Variants in SLC6A11 observed in about 807,000 individuals in gnomAD.
SLC6A11 encodes sodium- and chloride-dependent GABA transporter 3.
Under a neutral mutation model 74.8 loss-of-function variants are expected in SLC6A11, and 25 were observed. The ratio of observed to expected loss-of-function variants is 0.33; its 90% CI spans 0.24 to 0.47. The LOEUF is 0.47. Ranked by LOEUF, SLC6A11 falls within the 20% of genes least tolerant of loss-of-function variation. The pLI, the probability that SLC6A11 is intolerant of heterozygous loss-of-function variation, is 1.00. For synonymous variants in SLC6A11, 330 were observed against 330.2 expected (o/e 1.00, Z 0.01); for missense variants, 574 against 837.0 (o/e 0.69, Z 3.88).
rs150264138 is a variant in SLC6A11 at position 10,890,969 on chromosome 3, G to A, written c.891+15874G>A. Among the ~76,000 whole-genome samples, 115 of 152,326 alleles carry A rather than the reference G, an allele frequency of 7.5e-4. 1 individual carries two copies. Among genetic ancestry groups the A allele is most frequent in the Non-Finnish European group, 1.5e-3 (101 of 68,032 alleles). On this transcript the variant is annotated intron_variant, in intron 6 of 13. Coordinates refer to ENST00000254488, the MANE Select transcript of SLC6A11 (RefSeq NM_014229.3). ...CATACCCATATCTGGCGCTTTCATG[G>A]TGAGCTGAGGGGTAGAGTTTCTAAC...
At position 10,915,568 on chromosome 3, in the gene SLC6A11, G is replaced by T. The variant is rs974845290; in HGVS notation, c.996-2761G>T. On this transcript the variant is annotated intron_variant, in intron 7 of 13. Coordinates refer to ENST00000254488, the MANE Select transcript of SLC6A11 (RefSeq NM_014229.3). The surrounding 1 kb of genome is among the most constrained non-coding windows in gnomAD (Gnocchi z 4.3). The stretch of plus-strand genomic sequence containing the variant: ...TGTTACATAAGCGTTTTACCTAGAC[G>T]TGGGAGCTGGGGAAGGAATTAGAGG... Among the ~76,000 whole-genome samples the T allele has an allele frequency of 9.9e-5, 15 of 152,146 alleles. No homozygotes were observed. The highest frequency in any genetic ancestry group is 1.9e-4 in the Non-Finnish European group (13 of 68,024).
At chr3:10,871,438 C>A (rs1160429859) in intron 5 of SLC6A11, among the ~76,000 whole-genome samples, 1 of 152,128 alleles carries the variant, frequency 6.6e-6, no homozygotes, top group Admixed American at 6.5e-5. Flanking sequence ...GATAATTAAT[C>A]TTCTGCCACA....
intron 4 of SLC6A11, among the ~76,000 whole-genome samples, chr3:10,834,225 G>C (rs1268650787): frequency 6.6e-6 from 1 of 152,242 alleles, no homozygotes; most frequent in Admixed American, 6.5e-5. Flanking sequence ...GCCGTTCCAG[G>C]CTTCTTCCTG....
chr3:10,933,768 C>A (rs1162530255), intron 11 of SLC6A11, among the ~76,000 whole-genome samples: 1 of 152,178 alleles, frequency 6.6e-6, no homozygotes, highest in African/African-American at 2.4e-5. Flanking sequence ...CTCATCCCCA[C>A]CCCTGATTGC....
intron 6 of SLC6A11, 70 bp downstream of exon 6, chr3:10,875,165 A>G (rs1297475713): frequency 7.3e-7 from 1 of 1,370,412 alleles, no homozygotes. Context: ...AGCCCCTGCC[A>G]CTGGCCACTG....
intron 6 of SLC6A11, among the ~76,000 whole-genome samples, chr3:10,878,045 G>GAAATGGCTCCTT: frequency 6.6e-6 from 1 of 152,302 alleles, no homozygotes; most frequent in African/African-American, 2.4e-5. Context: ...TGGTCATCCA[G>GAAATGGCTCCTT]AAATGGCTCC....
intron 4 of SLC6A11, among the ~76,000 whole-genome samples, chr3:10,839,525 C>T (rs62238734): frequency 0.037 from 5,643 of 152,254 alleles, 173 homozygotes; most frequent in Non-Finnish European, 0.053. Flanking sequence ...ACTTTCTGCC[C>T]ACTCCTTCCC....
chr3:10,929,738 G>A (rs940724454), intron 10 of SLC6A11, among the ~76,000 whole-genome samples: 2 of 152,144 alleles, frequency 1.3e-5, no homozygotes, highest in East Asian at 3.9e-4. Context: ...GCTTTTCTGG[G>A]CATCTCTGAG....
At chr3:10,868,391 G>A (rs1206065333) in intron 5 of SLC6A11, among the ~76,000 whole-genome samples, 2 of 152,222 alleles carry the variant, frequency 1.3e-5, no homozygotes, top group African/African-American at 4.8e-5. Flanking sequence ...GCCGTGTCCT[G>A]GGCGTAGGGG....
At position 10,835,549 on chromosome 3, in the gene SLC6A11, T is replaced by C. The variant is rs1694355922; in HGVS notation, c.624-8665T>C. Among the ~76,000 whole-genome samples the C allele has an allele frequency of 2.0e-5, 3 of 152,130 alleles. No individual in the cohort carries two copies. The South Asian group carries it at 6.2e-4, about 32-fold the overall frequency. On this transcript the variant is annotated intron_variant, in intron 4 of 13. Transcript: ENST00000254488. Reference sequence around the variant, plus strand: ...GCCTGCTCCTCTGGAAAGTCCCCACTTTTAGATTCACTCTCCTCCCCACAC... The same window carrying C: ...GCCTGCTCCTCTGGAAAGTCCCCACCTTTAGATTCACTCTCCTCCCCACAC...
At chr3:10,844,374 C>G in intron 5 of SLC6A11, 28 bp downstream of exon 5, 1 of 1,613,994 alleles carries the variant, frequency 6.2e-7, no homozygotes, top group East Asian at 2.2e-5. Flanking sequence ...AAGCAGCTAA[C>G]CGTGGCAGGG....
intron 6 of SLC6A11, among the ~76,000 whole-genome samples, chr3:10,902,058 G>T (rs1330376413): frequency 3.3e-5 from 5 of 149,370 alleles, no homozygotes; most frequent in Non-Finnish European, 4.4e-5. Context: ...CAAAAGTTGT[G>T]TGTGCGTGTG....
chr3:10,824,241 C>T (rs1278922084), intron 4 of SLC6A11: 2 of 152,170 alleles, frequency 1.3e-5, no homozygotes, highest in Non-Finnish European at 2.9e-5. Context: ...TAGAAGGATC[C>T]CTTGCCCCAG....
intron 6 of SLC6A11, among the ~76,000 whole-genome samples, chr3:10,889,005 TCAGA>T (rs1438819802): frequency 7.2e-5 from 11 of 152,296 alleles, no homozygotes; most frequent in Admixed American, 3.9e-4. Flanking sequence ...TCCTGTTTTC[TCAGA>T]CAGGAGTTTT....
At chr3:10,924,781 A>G (rs1255502496) in intron 8 of SLC6A11, among the ~76,000 whole-genome samples, 2 of 152,246 alleles carry the variant, frequency 1.3e-5, no homozygotes, top group East Asian at 1.9e-4. Context: ...AATGAAAACT[A>G]TGATATAACA....
At chr3:10,891,150 A>G (rs565554123) in intron 6 of SLC6A11, among the ~76,000 whole-genome samples, 64 of 152,278 alleles carry the variant, frequency 4.2e-4, no homozygotes, top group Admixed American at 3.9e-3. Context: ...AGATGTCCCT[A>G]TGGGTTGCTA....
At chr3:10,906,848 T>A (rs1238948190) in intron 6 of SLC6A11, among the ~76,000 whole-genome samples, 4 of 151,892 alleles carry the variant, frequency 2.6e-5, no homozygotes, top group African/African-American at 9.7e-5. Context: ...TTTTAAAGAG[T>A]TTTTGGCAAT....
intron 4 of SLC6A11, among the ~76,000 whole-genome samples, chr3:10,837,689 G>C (rs2106581412): frequency 6.6e-6 from 1 of 152,368 alleles, no homozygotes; most frequent in Non-Finnish European, 1.5e-5. Context: ...TAAGTTCCCT[G>C]AGGGTGGAAC....
chr3:10,856,655 C>T (rs113364519), intron 5 of SLC6A11, among the ~76,000 whole-genome samples: 7 of 152,184 alleles, frequency 4.6e-5, no homozygotes, highest in Admixed American at 4.6e-4. Flanking sequence ...AAGCATTGGC[C>T]CTCCCTCCTT....
Sources: allele counts gnomAD v4.1 joint callset (sites outside exome capture counted in the v4.1 genomes callset), GRCh38; gene constraint gnomAD v4.1.1; non-coding constraint Gnocchi (gnomAD v3.1); transcripts MANE v1.5; gene names NCBI Gene and HGNC (gene_info 2026-07-23, HGNC 2026-07-21).